The following UVSSA variants were observed in gnomAD, a reference collection of about 807,000 sequenced individuals.
The protein encoded by UVSSA is UV stimulated scaffold protein A.
Under a neutral mutation model 73.9 loss-of-function variants are expected in UVSSA, and 72 were observed. That is an observed-to-expected ratio of 0.97 (90% CI 0.81 to 1.19). The LOEUF is 1.19. Among genes scored for constraint, UVSSA ranks in the 50% most tolerant of loss-of-function variants. UVSSA has a pLI of 0.00. For missense variants in UVSSA, 1,150 were observed against 965.0 expected (o/e 1.19, Z -2.54); for synonymous variants, 454 against 391.3 (o/e 1.16, Z -1.89).
At chr4:1,359,028 C>T (rs757050923) in intron 7 of UVSSA, 10 of 152,230 alleles carry the variant, frequency 6.6e-5, no homozygotes, top group African/African-American at 1.9e-4. Context: ...GGCAGCCACC[C>T]GGGAGCAGAC....
chr4:1,369,393 G>A lies in UVSSA; in HGVS notation c.1288+2962G>A, dbSNP rs571946758. Among the ~76,000 whole-genome samples, 141 of 152,362 alleles carry A rather than the reference G, an allele frequency of 9.3e-4. 1 individual carries two copies. Among genetic ancestry groups the A allele is most frequent in the African/African-American group, 3.3e-3 (139 of 41,592 alleles). On this transcript the variant is annotated intron_variant, in intron 8 of 13. Coordinates refer to ENST00000389851, the MANE Select transcript of UVSSA (RefSeq NM_020894.4). ...GCCGGAGGCGGGGACCAGGCGGGAAGCGTGGGGGCAGGCGGAGGGGCCAGC... is the reference window on the plus strand; with the variant it reads ...GCCGGAGGCGGGGACCAGGCGGGAAACGTGGGGGCAGGCGGAGGGGCCAGC...
chr4:1,373,887 GC>G (rs915632976), intron 8 of UVSSA, among the ~76,000 whole-genome samples: 2 of 152,118 alleles, frequency 1.3e-5, no homozygotes, highest in Non-Finnish European at 2.9e-5. Flanking sequence ...AATTTTCCTT[GC>G]CCTTTGTCTT....
At chr4:1,394,196 C>T in exon 14 of UVSSA, 1 of 504,208 alleles carries the variant, frequency 2.0e-6, no homozygotes. Context: ...GTGGGCACAG[C>T]CTTCCATGCC....
In UVSSA at chr4:1,354,572, C is replaced by G. The variant is rs188258136; in HGVS notation, c.935-163C>G. The G allele has an allele frequency of 1.0e-4, 64 of 620,532 alleles. No homozygotes were observed. The South Asian group carries it at 1.2e-3, about 11-fold the overall frequency. The allele number at this position is 620,532 out of a possible 1,614,324, so 38.4% of individuals were successfully genotyped here. A position where few individuals can be genotyped will look rare whatever the true frequency, so the allele number is the denominator to read the frequency against. On this transcript the variant is annotated intron_variant, in intron 5 of 13. Coordinates refer to ENST00000389851, the MANE Select transcript of UVSSA (RefSeq NM_020894.4). ...TGTTCTTTTCTAAGATAATAAAACA[C>G]TTCCTTCTCACAGCATCAGGTTTGG...
rs768369135 is a variant in UVSSA at position 1,348,111 on chromosome 4, A to G, written c.20A>G (p.Lys7Arg). Residue 7 changes from lysine to arginine, a missense_variant, in exon 2 of 14, where the codon AAG (lysine) becomes AGG (arginine). By Grantham distance (26) the Lys-to-Arg change is conservative. Transcript: ENST00000389851. ...CTAGATATGGATCAGAAACTTTCGA[A>G]GTTGGTAGAAGAGCTCACAACTTCA... MDQKLSKLVEELTTSGE... is the reference protein window; with the variant it reads MDQKLSRLVEELTTSGE... 2.9e-5 allele frequency: 46 copies of G among 1,613,844 alleles called. No homozygotes were observed. Among genetic ancestry groups the G allele is most frequent in the Non-Finnish European group, 3.7e-5 (44 of 1,179,906 alleles).
chr4:1,346,203 G>T (rs932901830), upstream of UVSSA, among the ~76,000 whole-genome samples: 2 of 152,232 alleles, frequency 1.3e-5, no homozygotes, highest in African/African-American at 4.8e-5. Context: ...AACCCACCCT[G>T]TAAAAACACG....
chr4:1,380,001 C>T (rs748643280), intron 10 of UVSSA, 46 bp from the exon 11 acceptor site: 2 of 1,548,976 alleles, frequency 1.3e-6, no homozygotes, highest in East Asian at 2.4e-5. Flanking sequence ...CCACGCTCTT[C>T]TGGGGTCCCT....
chr4:1,355,306 T>A, intron 7 of UVSSA, 61 bp downstream of exon 7: 1 of 1,121,218 alleles, frequency 8.9e-7, no homozygotes, highest in Non-Finnish European at 1.3e-6. Flanking sequence ...GAGGAGAAGC[T>A]GTGGGGGGGT....
intron 1 of UVSSA, 69 bp downstream of exon 1, chr4:1,347,829 A>G (rs919379682): frequency 9.6e-6 from 4 of 415,772 alleles, no homozygotes; most frequent in African/African-American, 6.1e-5. Flanking sequence ...TGGTTCCTTT[A>G]ACGCACGACC....
intron 11 of UVSSA, 82 bp from the exon 12 acceptor site, chr4:1,380,798 G>A: frequency 6.3e-7 from 1 of 1,591,156 alleles, no homozygotes; most frequent in Non-Finnish European, 8.6e-7. Flanking sequence ...CGCTGTTTGT[G>A]CCCAAGTCGT....
intron 12 of UVSSA, among the ~76,000 whole-genome samples, chr4:1,382,964 C>G (rs932261243): frequency 6.6e-6 from 1 of 152,326 alleles, no homozygotes; most frequent in Middle Eastern, 3.4e-3. Context: ...GTGGCCTTCC[C>G]GAGCCCGACC....
At chr4:1,346,715 C>T (rs1477693917), upstream of UVSSA, among the ~76,000 whole-genome samples, 2 of 152,072 alleles carry the variant, frequency 1.3e-5, no homozygotes, top group African/African-American at 4.8e-5. Flanking sequence ...CCTCACCGGC[C>T]CTCTGCAGGT....
At chr4:1,342,823 C>A (rs1392984526), upstream of UVSSA, among the ~76,000 whole-genome samples, 1 of 152,212 alleles carries the variant, frequency 6.6e-6, no homozygotes, top group Non-Finnish European at 1.5e-5. Flanking sequence ...CTGGACACTA[C>A]CTTCTGTTAG....
chr4:1,372,760 TCCCGCGTCTCAGGGCACTC>T (rs1248418195), intron 8 of UVSSA, among the ~76,000 whole-genome samples: 9,541 of 80,468 alleles, frequency 0.12, 1,984 homozygotes, highest in East Asian at 0.28. Flanking sequence ...TGCACTCACC[TCCCGCGTCTCAGGGCACTC>T]ACCTCCCGCG....
At chr4:1,344,244 C>A (rs1472274490), upstream of UVSSA, among the ~76,000 whole-genome samples, 1 of 152,146 alleles carries the variant, frequency 6.6e-6, no homozygotes, top group Non-Finnish European at 1.5e-5. Flanking sequence ...TTTAAAATAT[C>A]TTTTAGAAGT....
intron 13 of UVSSA, chr4:1,385,496 GCCT>G: frequency 3.3e-6 from 1 of 298,788 alleles, no homozygotes; most frequent in Non-Finnish European, 6.6e-6. Flanking sequence ...CTGTCCTGAC[GCCT>G]CCTGGCTGCA....
At chr4:1,394,741 C>T in exon 14 of UVSSA, 3 of 1,602,946 alleles carry the variant, frequency 1.9e-6, no homozygotes, top group Admixed American at 3.4e-5. Flanking sequence ...TGCCCACCTG[C>T]TCATGTGCCC....
At chr4:1,350,354 C>T (rs556946905) in intron 3 of UVSSA, among the ~76,000 whole-genome samples, 1 of 152,292 alleles carries the variant, frequency 6.6e-6, no homozygotes, top group Non-Finnish European at 1.5e-5. Flanking sequence ...GCCCCTTACC[C>T]CACCTGCCAC....
At chr4:1,350,238 T>C (rs1225170200) in intron 3 of UVSSA, among the ~76,000 whole-genome samples, 1 of 152,132 alleles carries the variant, frequency 6.6e-6, no homozygotes, top group Non-Finnish European at 1.5e-5. Flanking sequence ...ACTTTAAGGC[T>C]CCACCCGCAC....
Sources: gnomAD v4.1 joint callset for allele counts (sites outside exome capture counted in the v4.1 genomes callset) on GRCh38, gnomAD v4.1.1 for gene constraint, MANE v1.5 for transcripts, NCBI Gene and HGNC (gene_info 2026-07-23, HGNC 2026-07-21) for gene names.